Variants in ACTN2 observed in about 807,000 individuals in gnomAD.
ACTN2 encodes alpha-actinin-2.
A neutral mutation model predicts 113.8 loss-of-function variants in ACTN2; 39 were observed. The observed-to-expected ratio is 0.34, with a 90% confidence interval of 0.27 to 0.45. The LOEUF (loss-of-function observed/expected upper bound fraction) is 0.45, where lower values mean the gene tolerates loss of function less well. Ranked by LOEUF, ACTN2 falls within the 20% of genes least tolerant of loss-of-function variation. The probability of loss-of-function intolerance (pLI) is 1.00; values close to 1 mark genes in which losing one functional copy is unlikely to be tolerated. For synonymous variants in ACTN2, 429 were observed against 444.1 expected, an observed-to-expected ratio of 0.97 and a Z score of 0.43; for missense variants, 992 against 1,177.9, an observed-to-expected ratio of 0.84 and a Z score of 2.31.
chr1:236,705,676 C>T (rs912709978), intron 1 of ACTN2, among the ~76,000 whole-genome samples: 1 of 152,222 alleles, frequency 6.6e-6, no homozygotes, highest in Non-Finnish European at 1.5e-5. Context: ...ATAGATTTTT[C>T]CCTGTATAAA....
In ACTN2 at chr1:236,709,271, CAT is replaced by C. The variant is rs1286343957; in HGVS notation, c.127-8580_127-8579del. ...ATATATATATACACACACACACACA[CAT>C]ATATATGTATATATATGTATATATG... On this transcript the variant is annotated intron_variant, in intron 1 of 20. Transcript: ENST00000366578. Among the ~76,000 whole-genome samples, 395 of 119,034 alleles carry C rather than the reference CAT, an allele frequency of 3.3e-3. 5 individuals are homozygous for C. Among genetic ancestry groups the C allele is most frequent in the Admixed American group, 7.2e-3 (79 of 10,926 alleles). 78.1% of individuals were successfully genotyped at this position (119,034 alleles called of 152,430 possible). A position where few individuals can be genotyped will look rare whatever the true frequency, so the allele number is the denominator to read the frequency against.
chr1:236,690,290 C>A (rs893993117), intron 1 of ACTN2, among the ~76,000 whole-genome samples: 2 of 152,162 alleles, frequency 1.3e-5, no homozygotes, highest in Non-Finnish European at 2.9e-5. Context: ...GTTCTGTGGG[C>A]AGCAGCTGCT....
intron 1 of ACTN2, among the ~76,000 whole-genome samples, chr1:236,697,452 TGGAAGAG>T (rs1337293393): frequency 6.6e-6 from 1 of 152,102 alleles, no homozygotes; most frequent in African/African-American, 2.4e-5. Flanking sequence ...AGGGGATAGG[TGGAAGAG>T]GATCTACCCA....
intron 6 of ACTN2, among the ~76,000 whole-genome samples, chr1:236,728,627 A>T (rs1270632293): frequency 8.0e-6 from 1 of 125,240 alleles, no homozygotes; most frequent in African/African-American, 3.5e-5. Flanking sequence ...GTTTTTTTTT[A>T]GTTTTGCTTT....
chr1:236,761,433 G>A (rs750256902), intron 20 of ACTN2, among the ~76,000 whole-genome samples: 9 of 2,702 alleles, frequency 3.3e-3, no homozygotes, highest in African/African-American at 0.011. Context: ...TTGTACTTGC[G>A]TGTGTGTGTG....
intron 18 of ACTN2, among the ~76,000 whole-genome samples, chr1:236,757,942 A>G: frequency 6.6e-6 from 1 of 152,180 alleles, no homozygotes; most frequent in East Asian, 1.9e-4. Flanking sequence ...TGTTGGCTTT[A>G]GGTCATTTCG....
chr1:236,731,307 T>A lies in ACTN2; in HGVS notation c.690T>A (p.Asp230Glu), dbSNP rs139489232. ...ACCTGGATATTCCTAAAATGTTGGATGCTGAAGGTGAGATGAAAATTGTGT... is the reference window on the plus strand; with the variant it reads ...ACCTGGATATTCCTAAAATGTTGGAAGCTGAAGGTGAGATGAAAATTGTGT... ...EKHLDIPKML[D>E]AEDIVNTPKP... The change falls in exon 7 of 21, where the codon GAT (aspartate) becomes GAA (glutamate). Residue 230 changes from aspartate (D) to glutamate (E), a missense_variant. Transcript: ENST00000366578. 1.9e-4 allele frequency: 304 copies of A among 1,613,110 alleles called. No individual in the cohort carries two copies. Among genetic ancestry groups the A allele is most frequent in the Non-Finnish European group, 2.4e-4 (284 of 1,179,042 alleles).
At position 236,737,318 on chromosome 1, in the gene ACTN2, T is replaced by TATATATATATATATATA. The variant is rs1465770912; in HGVS notation, c.876+104_876+105insATATATATATATATATA. 2.0e-3 allele frequency: 600 copies of TATATATATATATATATA among 296,246 alleles called. 130 individuals carry two copies. The highest frequency in any genetic ancestry group is 2.9e-3 in the Non-Finnish European group (422 of 145,886). The allele number at this position is 296,246 out of a possible 1,614,324, so 18.4% of individuals were successfully genotyped here. A position where few individuals can be genotyped will look rare whatever the true frequency, so the allele number is the denominator to read the frequency against. ...GGGGGCATATATATATATATATATATTTTGCATTTTTCATCTCAGATAGGA... is the reference window on the plus strand; with the variant it reads ...GGGGGCATATATATATATATATATATATATATATATATATATATTTGCATTTTTCATCTCAGATAGGA... On this transcript the variant is annotated intron_variant, in intron 9 of 20. Transcript: ENST00000366578.
At chr1:236,730,704 T>C (rs957048639) in intron 6 of ACTN2, among the ~76,000 whole-genome samples, 6 of 152,214 alleles carry the variant, frequency 3.9e-5, no homozygotes, top group Non-Finnish European at 8.8e-5. Context: ...ATTCACTTAA[T>C]GATTTTCAGG....
chr1:236,761,210 G>A (rs1659699042), intron 20 of ACTN2, 37 bp downstream of exon 20: 1 of 1,612,400 alleles, frequency 6.2e-7, no homozygotes, highest in South Asian at 1.1e-5. Flanking sequence ...TTTAGCAGGA[G>A]TCCACTACAT....
intron 7 of ACTN2, among the ~76,000 whole-genome samples, chr1:236,734,080 A>T (rs35684907): frequency 6.6e-6 from 1 of 152,102 alleles, no homozygotes; most frequent in Non-Finnish European, 1.5e-5. Context: ...TGGGCCCTCC[A>T]TGTGTGTAGT....
chr1:236,724,838 CTTT>C (rs5781922), intron 4 of ACTN2, among the ~76,000 whole-genome samples: 24 of 81,644 alleles, frequency 2.9e-4, no homozygotes, highest in Non-Finnish European at 4.5e-4. Context: ...TGGGTTTTTC[CTTT>C]TTTTTTTTTT....
chr1:236,751,795 G>A, intron 15 of ACTN2, 143 bp downstream of exon 15: 2 of 982,174 alleles, frequency 2.0e-6, no homozygotes, highest in Non-Finnish European at 3.1e-6. Context: ...AATTTCACAG[G>A]CAAAACGTGA....
chr1:236,709,526 G>GC (rs1435068033), intron 1 of ACTN2, among the ~76,000 whole-genome samples: 8 of 151,686 alleles, frequency 5.3e-5, no homozygotes, highest in Non-Finnish European at 7.4e-5. Context: ...GGGGACCACT[G>GC]CCGCTGTAGC....
In ACTN2 at chr1:236,717,876, A is replaced by C. The variant is rs756675368; in HGVS notation, c.145A>C (p.Asn49His). The C allele has an allele frequency of 6.2e-7, 1 of 1,614,000 alleles. No individual in the cohort carries two copies. Among genetic ancestry groups the C allele is most frequent in the Non-Finnish European group, 8.5e-7 (1 of 1,179,918 alleles). ...QQRKTFTAWC[N>H]SHLRKAGTQI... ...TTTGCAGACCTTCACTGCCTGGTGTAACTCCCACCTAAGGAAAGCCGGCAC... is the reference window on the plus strand; with the variant it reads ...TTTGCAGACCTTCACTGCCTGGTGTCACTCCCACCTAAGGAAAGCCGGCAC... The change falls in exon 2 of 21, where the codon AAC becomes CAC. Residue 49 changes from asparagine to histidine, a missense_variant. Physicochemically the swap from Asn to His is moderately conservative, Grantham distance 68. Coordinates refer to ENST00000366578, the MANE Select transcript of ACTN2 (RefSeq NM_001103.4).
rs1665868970 is a variant in ACTN2, at chr1:236,686,504, T to C, written c.-170T>C. 3.2e-6 allele frequency: 2 copies of C among 616,858 alleles called. No individual in the cohort carries two copies. Among genetic ancestry groups the C allele is most frequent in the Non-Finnish European group, 4.5e-6 (2 of 447,334 alleles). The allele number at this position is 616,858 out of a possible 1,614,324, so 38.2% of individuals were successfully genotyped here. A position where few individuals can be genotyped will look rare whatever the true frequency, so the allele number is the denominator to read the frequency against. ...CGCGGCAGCTGCTCGCAGCCGGAGC[T>C]GGTGCTTCGCCCGAGACCCAGCGCC... On this transcript the variant is annotated 5_prime_UTR_variant, in exon 1 of 21. Coordinates refer to ENST00000366578, the MANE Select transcript of ACTN2 (RefSeq NM_001103.4).
chr1:236,716,609 A>T (rs1241514410), intron 1 of ACTN2, among the ~76,000 whole-genome samples: 1 of 152,140 alleles, frequency 6.6e-6, no homozygotes, highest in African/African-American at 2.4e-5. Flanking sequence ...TTTGAGATCC[A>T]GGATGTAGTC....
intron 15 of ACTN2, among the ~76,000 whole-genome samples, chr1:236,752,543 T>G (rs1659426811): frequency 6.6e-6 from 1 of 151,946 alleles, no homozygotes; most frequent in South Asian, 2.1e-4. Context: ...ATTTTTTATT[T>G]TTCGTTTTTA....
intron 1 of ACTN2, among the ~76,000 whole-genome samples, chr1:236,695,426 AAAG>A (rs1414716566): frequency 4.6e-5 from 7 of 151,742 alleles, no homozygotes; most frequent in Admixed American, 1.3e-4. Context: ...AAAAAAAAAA[AAAG>A]AACATCAATA....
Sources: gnomAD v4.1 joint callset for allele counts (sites outside exome capture counted in the v4.1 genomes callset) on GRCh38, gnomAD v4.1.1 for gene constraint, MANE v1.5 for transcripts, NCBI Gene and HGNC (gene_info 2026-07-23, HGNC 2026-07-21) for gene names.